Variants in XIRP2 observed in about 807,000 individuals in gnomAD.
XIRP2 encodes the protein xin actin binding repeat containing 2.
Under a neutral mutation model 277.0 loss-of-function variants are expected in XIRP2, and 236 were observed. The observed-to-expected ratio is 0.85, with a 90% confidence interval of 0.77 to 0.95. The LOEUF is 0.95. XIRP2 is among the 40% of genes least tolerant of loss of function. XIRP2 has a pLI of 0.00. For synonymous variants in XIRP2, 1,490 were observed against 1,416.5 expected (o/e 1.05, Z -1.17); for missense variants, 4,640 against 4,157.5 (o/e 1.12, Z -3.19).
chr2:166,948,548 G>A (rs951896094), intron 2 of XIRP2, among the ~76,000 whole-genome samples: 1 of 151,952 alleles, frequency 6.6e-6, no homozygotes, highest in Non-Finnish European at 1.5e-5. Context: ...AATAATCTTT[G>A]TGGGCTAAGA....
intron 2 of XIRP2, among the ~76,000 whole-genome samples, chr2:167,056,608 C>A (rs1182694527): frequency 6.6e-6 from 1 of 152,130 alleles, no homozygotes. Context: ...TCACATGATA[C>A]TTTTGTGAGC....
rs142830623 is a variant in XIRP2, at chr2:166,951,951, C to G, written c.408+48061C>G. Reference sequence around the variant, plus strand: ...TGTAATCGTGCTTCGAACTTTTATGCTCTACCACTCAGCGGTGTGGCTTTG... The same window carrying G: ...TGTAATCGTGCTTCGAACTTTTATGGTCTACCACTCAGCGGTGTGGCTTTG... On this transcript the variant is annotated intron_variant, in intron 2 of 10. Transcript: ENST00000409195. Among the ~76,000 whole-genome samples the G allele has an allele frequency of 9.7e-4, 147 of 152,174 alleles. 1 individual carries two copies. Among genetic ancestry groups the G allele is most frequent in the Admixed American group, 2.2e-3 (34 of 15,268 alleles).
intron 2 of XIRP2, among the ~76,000 whole-genome samples, chr2:167,096,072 AC>A (rs1690306963): frequency 7.2e-6 from 1 of 139,324 alleles, no homozygotes; most frequent in Admixed American, 6.9e-5. Context: ...ACTGGATTTC[AC>A]TGGAAGTCCC....
intron 3 of XIRP2, among the ~76,000 whole-genome samples, chr2:167,197,062 G>C (rs1267094046): frequency 6.6e-6 from 1 of 152,130 alleles, no homozygotes; most frequent in Non-Finnish European, 1.5e-5. Flanking sequence ...AAATTGACTG[G>C]TTTCACTTTC....
chr2:167,149,054 A>T (rs1448728365), intron 3 of XIRP2, among the ~76,000 whole-genome samples: 1 of 152,102 alleles, frequency 6.6e-6, no homozygotes, highest in Non-Finnish European at 1.5e-5. Context: ...TGGACTGTAC[A>T]CATAGGAGTG....
chr2:166,917,217 CT>C (rs1281386152), intron 2 of XIRP2, among the ~76,000 whole-genome samples: 4 of 152,120 alleles, frequency 2.6e-5, no homozygotes, highest in African/African-American at 9.7e-5. Flanking sequence ...GAGAAGAGCC[CT>C]CACTGAGTAA....
chr2:167,085,852 G>C (rs903142911), intron 2 of XIRP2, among the ~76,000 whole-genome samples: 5 of 152,082 alleles, frequency 3.3e-5, no homozygotes, highest in African/African-American at 1.2e-4. Flanking sequence ...ATGTGAGATG[G>C]GTTTCCTGAA....
rs915995936 is a variant in XIRP2 at position 167,088,444 on chromosome 2, A to T, written c.409-47465A>T. On this transcript the variant is annotated intron_variant, in intron 2 of 10. Coordinates refer to ENST00000409195, the MANE Select transcript of XIRP2 (RefSeq NM_152381.6). ...CTGGACAGCTGTGTGACACTTCACC[A>T]AGGTCTTGGCTTCTAACTCAGTTTT... Among the ~76,000 whole-genome samples, 26 of 152,122 alleles carry T rather than the reference A, an allele frequency of 1.7e-4. 1 individual carries two copies. The highest frequency in any genetic ancestry group is 6.3e-4 in the African/African-American group (26 of 41,394).
At chr2:167,194,360 C>A (rs777020883) in intron 3 of XIRP2, among the ~76,000 whole-genome samples, 1 of 152,098 alleles carries the variant, frequency 6.6e-6, no homozygotes, top group East Asian at 1.9e-4. Flanking sequence ...GGATTACAGG[C>A]GTGAGCCACC....
At chr2:167,037,451 C>T (rs1181192163) in intron 2 of XIRP2, among the ~76,000 whole-genome samples, 1 of 151,658 alleles carries the variant, frequency 6.6e-6, no homozygotes, top group Non-Finnish European at 1.5e-5. Flanking sequence ...GGCACCAAGC[C>T]TATCTCTGTA....
At chr2:167,189,595 A>C (rs1416264756) in intron 3 of XIRP2, among the ~76,000 whole-genome samples, 1 of 152,228 alleles carries the variant, frequency 6.6e-6, no homozygotes, top group African/African-American at 2.4e-5. Flanking sequence ...TTCATCCCTC[A>C]CAGAACGGTT....
chr2:167,136,071 A>G lies in XIRP2; in HGVS notation c.562+9A>G. The G allele has an allele frequency of 6.3e-7, 1 of 1,588,644 alleles. No individual in the cohort carries two copies. Among genetic ancestry groups the G allele is most frequent in the Non-Finnish European group, 8.5e-7 (1 of 1,170,092 alleles). On this transcript the variant is annotated intron_variant, in intron 3 of 10. Transcript: ENST00000409195. Reference sequence around the variant, plus strand: ...CAGCCGCATCTTTGAAGGTTAGCATAACATTTTGATATGCTTTCTTGACAT... The same window carrying G: ...CAGCCGCATCTTTGAAGGTTAGCATGACATTTTGATATGCTTTCTTGACAT...
chr2:167,212,112 T>C (rs1694062750), intron 4 of XIRP2, among the ~76,000 whole-genome samples: 1 of 152,216 alleles, frequency 6.6e-6, no homozygotes, highest in Admixed American at 6.5e-5. Flanking sequence ...ATTTAGGTTT[T>C]CACATAGTCA....
At chr2:166,952,686 A>T (rs1450261332) in intron 2 of XIRP2, among the ~76,000 whole-genome samples, 1 of 152,024 alleles carries the variant, frequency 6.6e-6, no homozygotes, top group Non-Finnish European at 1.5e-5. Flanking sequence ...AACTTATTTA[A>T]AAATGGAAAA....
At chr2:166,983,814 A>G (rs1396817071) in intron 2 of XIRP2, among the ~76,000 whole-genome samples, 2 of 152,182 alleles carry the variant, frequency 1.3e-5, no homozygotes, top group Admixed American at 1.3e-4. Flanking sequence ...TAGAATGACT[A>G]TGATTTATTG....
At chr2:167,029,287 G>A (rs533442534) in intron 2 of XIRP2, among the ~76,000 whole-genome samples, 1 of 152,198 alleles carries the variant, frequency 6.6e-6, no homozygotes, top group Non-Finnish European at 1.5e-5. Context: ...TCTTGTGCCA[G>A]TTTTCAAAGG....
intron 5 of XIRP2, among the ~76,000 whole-genome samples, chr2:167,231,919 A>G (rs1694770550): frequency 6.6e-6 from 1 of 151,994 alleles, no homozygotes; most frequent in Non-Finnish European, 1.5e-5. Context: ...CAACCAGAGT[A>G]AGTTTACCAG....
chr2:166,983,322 A>G (rs922953811), intron 2 of XIRP2, among the ~76,000 whole-genome samples: 5 of 152,068 alleles, frequency 3.3e-5, no homozygotes, highest in African/African-American at 1.2e-4. Context: ...TTGATAGATT[A>G]TATTTCTTTC....
chr2:167,165,387 A>G (rs1033138613), intron 3 of XIRP2, among the ~76,000 whole-genome samples: 1 of 152,202 alleles, frequency 6.6e-6, no homozygotes, highest in Non-Finnish European at 1.5e-5. Context: ...CAATCATATG[A>G]TAAAAGTGTG....
Sources: gnomAD v4.1 joint callset for allele counts (sites outside exome capture counted in the v4.1 genomes callset) on GRCh38, gnomAD v4.1.1 for gene constraint, MANE v1.5 for transcripts, NCBI Gene and HGNC (gene_info 2026-07-23, HGNC 2026-07-21) for gene names.